PHF21B: variants seen among roughly 807,000 people sequenced by gnomAD.
PHF21B encodes the protein PHD finger protein 21B, also known as PHD finger protein 4.
Under a neutral mutation model 62.2 loss-of-function variants are expected in PHF21B, and 22 were observed. The observed-to-expected ratio is 0.35, with a 90% CI of 0.25 to 0.51. PHF21B has a LOEUF of 0.51. PHF21B is among the 20% of genes least tolerant of loss of function. The pLI, the probability that PHF21B is intolerant of heterozygous loss-of-function variation, is 0.97. For synonymous variants in PHF21B, 341 were observed against 314.7 expected, an observed-to-expected ratio of 1.08 and a Z score of -0.88; for missense variants, 701 against 707.9, an observed-to-expected ratio of 0.99 and a Z score of 0.11.
At chr22:45,004,016 A>G (rs1305224940) in intron 2 of PHF21B, among the ~76,000 whole-genome samples, 12 of 152,186 alleles carry the variant, frequency 7.9e-5, no homozygotes, top group Non-Finnish European at 1.8e-4. Context: ...GATTCCATTC[A>G]TACGAAAGCC....
chr22:44,887,834 A>G (rs1258274627), intron 10 of PHF21B, 129 bp downstream of exon 10: 1 of 978,966 alleles, frequency 1.0e-6, no homozygotes, highest in Non-Finnish European at 1.4e-6. Flanking sequence ...CCAAATGTCA[A>G]TTGTGCTGAG....
chr22:44,971,586 C>T (rs1191155055), intron 2 of PHF21B: 1 of 152,542 alleles, frequency 6.6e-6, no homozygotes, highest in Non-Finnish European at 1.5e-5. Context: ...ACCATCCACT[C>T]CAGGGCTTCC....
chr22:45,003,436 G>A (rs1460993985), intron 2 of PHF21B: 1 of 152,260 alleles, frequency 6.6e-6, no homozygotes, highest in Non-Finnish European at 1.5e-5. Context: ...GATCTAGGAA[G>A]ATCTACACAA....
At chr22:44,992,631 C>A (rs1263892947) in intron 2 of PHF21B, among the ~76,000 whole-genome samples, 2 of 152,258 alleles carry the variant, frequency 1.3e-5, no homozygotes, top group African/African-American at 2.4e-5. Context: ...CCAACTCAGC[C>A]TGAGGCCGGC....
chr22:44,884,267 CATCACCACCACCATGATCACCATT>C (rs1470601045), intron 12 of PHF21B, among the ~76,000 whole-genome samples: 5 of 130,832 alleles, frequency 3.8e-5, no homozygotes, highest in African/African-American at 1.7e-4. Context: ...TCACTACCAC[CATCACCACCACCATGATCACCATT>C]ATCACCACCA....
chr22:45,003,455 A>G (rs895293855), intron 2 of PHF21B: 2 of 152,234 alleles, frequency 1.3e-5, no homozygotes, highest in Non-Finnish European at 2.9e-5. Context: ...AAGCAAGGCT[A>G]AGAACGCCGC....
chr22:44,926,267 C>G lies in PHF21B; in HGVS notation c.121-5777G>C, dbSNP rs116488158. Among the ~76,000 whole-genome samples, 638 of 152,374 alleles carry G rather than the reference C, an allele frequency of 4.2e-3. 4 individuals are homozygous for G. The highest frequency in any genetic ancestry group is 0.015 in the African/African-American group (619 of 41,596). ...GCAGGTTCTGTGGCGGGAAGGCCCA[C>G]ATGGCATGTCCCCGCGGTGGATTCC... On this transcript the variant is annotated intron_variant, in intron 2 of 12. Transcript: ENST00000313237.
chr22:44,998,019 G>C (rs80104280), intron 2 of PHF21B, among the ~76,000 whole-genome samples: 3,192 of 152,328 alleles, frequency 0.021, 120 homozygotes, highest in African/African-American at 0.069. Context: ...CTTGGGCTAG[G>C]TGATGGCTGC....
intron 2 of PHF21B, among the ~76,000 whole-genome samples, chr22:45,006,888 G>A (rs2073324003): frequency 6.6e-6 from 1 of 151,106 alleles, no homozygotes; most frequent in African/African-American, 2.4e-5. Context: ...TATCTGATTT[G>A]ATTCTACGCA....
chr22:44,939,290 G>A (rs1421506801), intron 2 of PHF21B, among the ~76,000 whole-genome samples: 1 of 152,230 alleles, frequency 6.6e-6, no homozygotes, highest in Non-Finnish European at 1.5e-5. Context: ...AAGCTCCAGG[G>A]TGCAGTTAGG....
In PHF21B at chr22:44,885,876, G is replaced by C; in HGVS notation, c.1260C>G (p.Val420=). Residue 420 remains valine, a synonymous_variant, in exon 11 of 13, where the codon GTC becomes GTG. Coordinates refer to ENST00000313237, the MANE Select transcript of PHF21B (RefSeq NM_138415.5). ...GGGATGCCTCACCTGTCTTGTGGGT[G>C]ACATAAGAGTGCACGATGGCCAGCA... The part of the protein sequence containing the change: ...TGMLAIVHSY[V]THKTVKEEEK... 1.2e-6 allele frequency: 2 copies of C among 1,614,142 alleles called. No homozygotes were observed. The highest frequency in any genetic ancestry group is 1.7e-6 in the Non-Finnish European group (2 of 1,179,994).
chr22:44,884,671 T>C (rs111220696), intron 12 of PHF21B, among the ~76,000 whole-genome samples: 4 of 150,342 alleles, frequency 2.7e-5, no homozygotes, highest in African/African-American at 4.9e-5. Context: ...GTCTGCACCA[T>C]CACCATCATC....
At chr22:44,908,282 C>A (rs974632540) in intron 5 of PHF21B, among the ~76,000 whole-genome samples, 8 of 152,140 alleles carry the variant, frequency 5.3e-5, no homozygotes, top group African/African-American at 1.9e-4. Flanking sequence ...CTCAGCGTCC[C>A]CATCTGTACC....
chr22:44,978,975 T>G (rs1015026629), intron 2 of PHF21B, among the ~76,000 whole-genome samples: 10 of 152,186 alleles, frequency 6.6e-5, no homozygotes, highest in South Asian at 4.1e-4. Flanking sequence ...TCTTCCCAGT[T>G]CACAGCCTCA....
intron 2 of PHF21B, among the ~76,000 whole-genome samples, chr22:45,006,271 C>A (rs2073312325): frequency 6.6e-6 from 1 of 152,128 alleles, no homozygotes; most frequent in Non-Finnish European, 1.5e-5. Context: ...ATGGCCAGGC[C>A]AAATCCTGGC....
chr22:44,885,832 T>C (rs1160395038), intron 11 of PHF21B, 31 bp downstream of exon 11: 53 of 1,605,262 alleles, frequency 3.3e-5, no homozygotes, highest in Non-Finnish European at 4.4e-5. Context: ...GGGGAGCAGG[T>C]ACCCTTTTCC....
intron 2 of PHF21B, among the ~76,000 whole-genome samples, chr22:44,945,769 T>C (rs1032395481): frequency 8.9e-4 from 135 of 151,812 alleles, no homozygotes; most frequent in African/African-American, 3.1e-3. Context: ...GGCAGGAAGC[T>C]GTGGGTAAGC....
intron 2 of PHF21B, among the ~76,000 whole-genome samples, chr22:45,004,060 G>A (rs776617927): frequency 1.3e-5 from 2 of 152,096 alleles, no homozygotes; most frequent in Non-Finnish European, 2.9e-5. Flanking sequence ...GAGTAGATTA[G>A]TGGTTGCTTA....
intron 2 of PHF21B, among the ~76,000 whole-genome samples, chr22:44,961,835 ACT>A (rs974187490): frequency 1.3e-5 from 2 of 149,644 alleles, no homozygotes; most frequent in East Asian, 2.0e-4. Flanking sequence ...ACAGAGCGAG[ACT>A]CTGTCTCAAA....
Sources: allele counts gnomAD v4.1 joint callset (sites outside exome capture counted in the v4.1 genomes callset), GRCh38; gene constraint gnomAD v4.1.1; transcripts MANE v1.5; gene names NCBI Gene and HGNC (gene_info 2026-07-23, HGNC 2026-07-21).